SPATA13: variants seen among roughly 807,000 people sequenced by gnomAD.
SPATA13 encodes the protein spermatogenesis-associated protein 13.
SPATA13 carries 50 observed loss-of-function variants against 104.0 expected under a neutral mutation model. The observed-to-expected ratio is 0.48, with a 90% confidence interval of 0.38 to 0.61. The LOEUF is 0.61. SPATA13 is among the 20% of genes least tolerant of loss of function. The probability of loss-of-function intolerance (pLI) is 0.00; values close to 1 mark genes in which losing one functional copy is unlikely to be tolerated. For missense variants in SPATA13, 1,524 were observed against 1,690.6 expected, an observed-to-expected ratio of 0.90 and a Z score of 1.73; for synonymous variants, 606 against 667.5, an observed-to-expected ratio of 0.91 and a Z score of 1.42.
intron 1 of SPATA13, among the ~76,000 whole-genome samples, chr13:24,198,396 C>T (rs1870209020): frequency 6.6e-6 from 1 of 152,166 alleles, no homozygotes; most frequent in Non-Finnish European, 1.5e-5. Context: ...TATAATAAAG[C>T]AGCAAGCCTA....
chr13:23,982,333 G>C (rs992159033), intron 1 of SPATA13, among the ~76,000 whole-genome samples: 7 of 152,220 alleles, frequency 4.6e-5, no homozygotes, highest in African/African-American at 1.4e-4. Context: ...AATTTTATAA[G>C]CTATTTTACT....
intron 3 of SPATA13, among the ~76,000 whole-genome samples, chr13:24,025,458 C>T (rs1343738893): frequency 6.6e-6 from 1 of 152,096 alleles, no homozygotes. Context: ...TCCCAGTAAC[C>T]ATGTGCAAAT....
intron 3 of SPATA13, among the ~76,000 whole-genome samples, chr13:24,096,676 A>G (rs886917241): frequency 1.3e-5 from 2 of 151,750 alleles, no homozygotes; most frequent in Middle Eastern, 3.2e-3. Context: ...GAGAAATTCA[A>G]CTGAGAAATT....
At chr13:24,236,296 G>A (rs1296877451) in intron 2 of SPATA13, among the ~76,000 whole-genome samples, 11 of 152,006 alleles carry the variant, frequency 7.2e-5, no homozygotes, top group Admixed American at 5.2e-4. Flanking sequence ...AAAAAACACA[G>A]CCCCATTTAA....
chr13:24,161,798 T>C lies in SPATA13; in HGVS notation c.-112+866T>C, dbSNP rs1309004771. On this transcript the variant is annotated intron_variant, in intron 1 of 12. Coordinates refer to ENST00000382108, the MANE Select transcript of SPATA13 (RefSeq NM_001166271.3). This position sits in a 1 kb window ranked among gnomAD's most constrained non-coding sequence, Gnocchi z 4.5. ...ATAATACTGTGAATTTATTCAGCTC[T>C]TGTTCCCATGGCTTCCCATAGCCTT... Among the ~76,000 whole-genome samples the C allele has an allele frequency of 6.6e-6, 1 of 152,214 alleles. No individual in the cohort carries two copies. Among genetic ancestry groups the C allele is most frequent in the African/African-American group, 2.4e-5 (1 of 41,452 alleles).
chr13:24,231,090 A>G (rs1050294340), intron 2 of SPATA13, among the ~76,000 whole-genome samples: 1 of 152,092 alleles, frequency 6.6e-6, no homozygotes, highest in Non-Finnish European at 1.5e-5. Flanking sequence ...CCTTTTACCA[A>G]TCCCTGTTCC....
At chr13:23,989,755 A>G (rs923311248) in intron 2 of SPATA13, among the ~76,000 whole-genome samples, 2 of 152,126 alleles carry the variant, frequency 1.3e-5, no homozygotes, top group African/African-American at 4.8e-5. Flanking sequence ...CTAACCCCCA[A>G]TGTGATGGTA....
intron 3 of SPATA13, among the ~76,000 whole-genome samples, chr13:24,152,258 C>T (rs977171735): frequency 7.9e-5 from 12 of 152,188 alleles, no homozygotes; most frequent in Admixed American, 4.6e-4. Flanking sequence ...GGGAGGGGCA[C>T]GGGGACTCCC....
intron 3 of SPATA13, among the ~76,000 whole-genome samples, chr13:24,033,180 A>G (rs940582740): frequency 6.6e-6 from 1 of 152,230 alleles, no homozygotes; most frequent in African/African-American, 2.4e-5. Context: ...CCACTTAGCT[A>G]AACTCCCACT....
rs756140227 is a variant in SPATA13, at chr13:24,249,548, C to T, written c.1725C>T (p.Pro575=). The T allele has an allele frequency of 1.5e-4, 238 of 1,613,160 alleles. 3 individuals carry two copies. Among genetic ancestry groups the T allele is most frequent in the Admixed American group, 1.2e-3 (69 of 59,824 alleles). ...DEERTEAQRT[P]KRRWGSGRRP... is the part of the protein sequence containing the mutation. ...AAAGGACAGAGGCACAGAGAACCCC[C>T]AAGAGGAGATGGGGCTCTGGGAGAC... The change falls in exon 3 of 13, where the codon CCC becomes CCT. Residue 575 remains proline (P), a synonymous_variant. Coordinates refer to ENST00000382108, the MANE Select transcript of SPATA13 (RefSeq NM_001166271.3).
At chr13:24,145,165 TCAGAAAGAGACAGTGTGAAAGGCA>T (rs1042724623) in intron 3 of SPATA13, among the ~76,000 whole-genome samples, 1 of 152,170 alleles carries the variant, frequency 6.6e-6, no homozygotes, top group Non-Finnish European at 1.5e-5. Context: ...GCTGGGGGTG[TCAGAAAGAGACAGTGTGAAAGGCA>T]CTTGATTAAA....
chr13:24,173,363 TGTGTGTG>T (rs1413468226), intron 1 of SPATA13, among the ~76,000 whole-genome samples: 4 of 1,658 alleles, frequency 2.4e-3, no homozygotes, highest in African/African-American at 2.0e-3. Flanking sequence ...AGTTCTTAGT[TGTGTGTG>T]TGTGTGTGTG....
chr13:24,303,433 A>G lies in SPATA13; in HGVS notation c.*660A>G, dbSNP rs952544092. 1.5e-5 allele frequency: 3 copies of G among 203,736 alleles called. No homozygotes were observed. The highest frequency in any genetic ancestry group is 3.2e-5 in the Non-Finnish European group (3 of 95,220). The allele number at this position is 203,736 out of a possible 1,614,324, so 12.6% of individuals were successfully genotyped here. A position where few individuals can be genotyped will look rare whatever the true frequency, so the allele number is the denominator to read the frequency against. ...GAAAGAAGATGCATCTGTCACCTTCATCAGGGTCCTCAGTGCAGAGCAACT... is the reference window on the plus strand; with the variant it reads ...GAAAGAAGATGCATCTGTCACCTTCGTCAGGGTCCTCAGTGCAGAGCAACT... On this transcript the variant is annotated 3_prime_UTR_variant, in exon 13 of 13. Transcript: ENST00000382108.
At chr13:24,257,446 C>T (rs554000667) in intron 4 of SPATA13, among the ~76,000 whole-genome samples, 5 of 152,216 alleles carry the variant, frequency 3.3e-5, no homozygotes, top group African/African-American at 9.6e-5. Flanking sequence ...GTAATACTGC[C>T]AGATAATAAA....
chr13:24,147,675 A>G (rs1406066267), intron 3 of SPATA13, among the ~76,000 whole-genome samples: 2 of 152,214 alleles, frequency 1.3e-5, no homozygotes, highest in Admixed American at 6.5e-5. Context: ...AAGTACATTT[A>G]TATTGCTGTG....
At position 24,304,501 on chromosome 13, in the gene SPATA13, T is replaced by G. The variant is rs1244589628; in HGVS notation, c.*1728T>G. ...AGGCCCATGTTTGAGAATAAACAAG[T>G]CTGTGATGTCAGAGACAAAGGTGTA... is the stretch of plus-strand genomic sequence containing the variant. On this transcript the variant is annotated 3_prime_UTR_variant, in exon 13 of 13. Transcript: ENST00000382108. 1 of 152,030 alleles carries G rather than the reference T, an allele frequency of 6.6e-6. No individual in the cohort carries two copies. 9.4% of individuals were successfully genotyped at this position (152,030 alleles called of 1,614,324 possible). A position where few individuals can be genotyped will look rare whatever the true frequency, so the allele number is the denominator to read the frequency against.
Position 24,251,748 on chromosome 13 carries a change from C to A in SPATA13, c.2050C>A (p.Gln684Lys), listed in dbSNP as rs1379822437. 6.2e-7 allele frequency: 1 copy of A among 1,614,024 alleles called. No homozygotes were observed. Among genetic ancestry groups the A allele is most frequent in the Non-Finnish European group, 8.5e-7 (1 of 1,180,004 alleles). ...PASRPPMPAH[Q>K]VPPYKAVSAR... ...TTCCAGGCCGCCCATGCCTGCTCAC[C>A]AGGTGCCACCCTACAAGGCTGTGTC... Residue 684 changes from glutamine to lysine, a missense_variant, in exon 4 of 13, where the codon CAG becomes AAG. Physicochemically the swap from Gln to Lys is moderately conservative, Grantham distance 53. Coordinates refer to ENST00000382108, the MANE Select transcript of SPATA13 (RefSeq NM_001166271.3).
In SPATA13 at chr13:24,127,949, G is replaced by A. The variant is rs111356450; in HGVS notation, c.-111-94870G>A. 6.0e-3 allele frequency among the ~76,000 whole-genome samples: 910 copies of A among 152,294 alleles called. 4 individuals carry two copies. Among genetic ancestry groups the A allele is most frequent in the Non-Finnish European group, 9.5e-3 (643 of 68,026 alleles). The stretch of plus-strand genomic sequence containing the variant: ...TTGGCAGAATGATGATGTAATGAAC[G>A]AACAGCATTTACAGTAAATGACAGC... On this transcript the variant is annotated intron_variant, in intron 3 of 14. Coordinates refer to the SPATA13 transcript ENST00000424834.
rs561198938 is a variant in SPATA13 at position 24,223,058 on chromosome 13, C to A, written c.129C>A (p.Thr43=). 6.4e-7 allele frequency: 1 copy of A among 1,551,752 alleles called. No homozygotes were observed. Among genetic ancestry groups the A allele is most frequent in the Admixed American group, 2.0e-5 (1 of 51,014 alleles). Residue 43 remains threonine (T), a synonymous_variant, in exon 2 of 13, where the codon ACC becomes ACA. Transcript: ENST00000382108. ...GSDLKDAKMV[T]SLACGNGVCG... ...ACCTGAAAGACGCCAAGATGGTGAC[C>A]TCCCTTGCGTGTGGAAATGGAGTCT...
Sources: gnomAD v4.1 joint callset for allele counts (sites outside exome capture counted in the v4.1 genomes callset) on GRCh38, gnomAD v4.1.1 for gene constraint, Gnocchi (gnomAD v3.1) non-coding constraint, MANE v1.5 for transcripts, NCBI Gene and HGNC (gene_info 2026-07-23, HGNC 2026-07-21) for gene names.